The following DAB1 variants were observed in gnomAD, a reference collection of about 807,000 sequenced individuals.
DAB1 encodes the protein DAB adaptor protein 1.
DAB1 carries 15 observed loss-of-function variants against 64.6 expected under a neutral mutation model. That is an observed-to-expected ratio of 0.23 (90% CI 0.16 to 0.36). The LOEUF (loss-of-function observed/expected upper bound fraction) is 0.36. Among genes scored for constraint, DAB1 ranks in the 10% least tolerant of loss-of-function variants. The pLI is 1.00. For synonymous variants in DAB1, 235 were observed against 251.9 expected, an observed-to-expected ratio of 0.93 and a Z score of 0.64; for missense variants, 596 against 706.7, an observed-to-expected ratio of 0.84 and a Z score of 1.78.
intron 7 of DAB1, among the ~76,000 whole-genome samples, chr1:57,566,971 A>G (rs1645130485): frequency 6.6e-6 from 1 of 152,116 alleles, no homozygotes; most frequent in Non-Finnish European, 1.5e-5. Flanking sequence ...GAGACACAAC[A>G]AAAAAAGAGA....
intron 1 of DAB1, among the ~76,000 whole-genome samples, chr1:57,858,523 T>C (rs1048688621): frequency 4.3e-5 from 6 of 141,146 alleles, no homozygotes; most frequent in Non-Finnish European, 9.8e-5. Flanking sequence ...AGTACTCAGA[T>C]TTAACAGAAA....
chr1:58,315,289 T>C (rs1662533224), intron 4 of DAB1, among the ~76,000 whole-genome samples: 1 of 152,276 alleles, frequency 6.6e-6, no homozygotes, highest in Non-Finnish European at 1.5e-5. Flanking sequence ...TTTGGCTGAT[T>C]AGAAATAAAA....
rs141959876 is a variant in DAB1 at position 57,056,318 on chromosome 1, G to T, written c.723+6566C>A. On this transcript the variant is annotated intron_variant, in intron 9 of 14. Transcript: ENST00000371236. ...ATTCAAGACCACAGTGGGTAACATA[G>T]CAAGTCCTCATCTTTAAAAAAAAAA... is the stretch of plus-strand genomic sequence containing the variant. Among the ~76,000 whole-genome samples, 1,232 of 141,552 alleles carry T rather than the reference G, an allele frequency of 8.7e-3. 20 individuals carry two copies. The highest frequency in any genetic ancestry group is 0.031 in the African/African-American group (1,176 of 37,608). 92.9% of individuals were successfully genotyped at this position (141,552 alleles called of 152,430 possible).
intron 1 of DAB1, among the ~76,000 whole-genome samples, chr1:57,856,166 T>C (rs1653744656): frequency 2.0e-5 from 3 of 151,026 alleles, no homozygotes; most frequent in Non-Finnish European, 4.4e-5. Flanking sequence ...AAAAGAGAAG[T>C]GTAGCTAGAA....
chr1:57,498,864 A>G (rs191607537), intron 7 of DAB1, among the ~76,000 whole-genome samples: 12 of 152,348 alleles, frequency 7.9e-5, no homozygotes, highest in Non-Finnish European at 1.3e-4. Flanking sequence ...TTCAAAAGAC[A>G]TGTTTCAAAG....
intron 4 of DAB1, among the ~76,000 whole-genome samples, chr1:58,319,508 T>A (rs1662635734): frequency 6.6e-6 from 1 of 152,200 alleles, no homozygotes; most frequent in Non-Finnish European, 1.5e-5. Flanking sequence ...GACTCTTCCT[T>A]CTCTCTTCTC....
chr1:58,415,624 C>T lies in DAB1; in HGVS notation n.258-72221G>A, dbSNP rs190248535. 2.0e-5 allele frequency: 3 copies of T among 152,686 alleles called. No individual in the cohort carries two copies. In the East Asian group the frequency reaches 5.8e-4, roughly 29 times the overall value. The allele number at this position is 152,686 out of a possible 1,614,324, so 9.5% of individuals were successfully genotyped here. ...ACTTAGAGACCAAAAGCTTTGAGAA[C>T]TATATTTACATAGCATGGAATTTCT... On this transcript the variant is annotated intron_variant and non_coding_transcript_variant, in intron 3 of 20. Coordinates refer to the DAB1 transcript ENST00000485760.
intron 4 of DAB1, among the ~76,000 whole-genome samples, chr1:58,226,390 G>T (rs1000853554): frequency 3.3e-5 from 5 of 149,798 alleles, no homozygotes; most frequent in African/African-American, 1.2e-4. Context: ...CCATCTCCCA[G>T]ATGATTAAAA....
At chr1:58,298,603 T>C (rs1196789270) in intron 4 of DAB1, among the ~76,000 whole-genome samples, 1 of 152,234 alleles carries the variant, frequency 6.6e-6, no homozygotes, top group Non-Finnish European at 1.5e-5. Context: ...AGACATTCTG[T>C]AGGTCTGGAT....
rs1644826090 is a variant in DAB1, at chr1:57,922,779, G to A, written n.388-38617C>T. Among the ~76,000 whole-genome samples, 3 of 136,590 alleles carry A rather than the reference G, an allele frequency of 2.2e-5. No homozygotes were observed. In the South Asian group the frequency reaches 6.9e-4, roughly 31 times the overall value. 89.6% of individuals were successfully genotyped at this position (136,590 alleles called of 152,430 possible). A position where few individuals can be genotyped will look rare whatever the true frequency, so the allele number is the denominator to read the frequency against. ...GAGAATGGCATGAACCCGGGAGGCA[G>A]AGCTTGCAGTGAGCCGAGATCGCGC... On this transcript the variant is annotated intron_variant and non_coding_transcript_variant, in intron 5 of 20. Transcript: ENST00000485760.
At chr1:57,691,199 A>G (rs1272492900) in intron 6 of DAB1, among the ~76,000 whole-genome samples, 1 of 152,126 alleles carries the variant, frequency 6.6e-6, no homozygotes, top group Non-Finnish European at 1.5e-5. Context: ...GTCTAGCTAA[A>G]GGATTGTAAA....
At chr1:57,565,786 A>T (rs1645112740) in intron 7 of DAB1, among the ~76,000 whole-genome samples, 1 of 152,188 alleles carries the variant, frequency 6.6e-6, no homozygotes, top group South Asian at 2.1e-4. Context: ...AGCTCCTTAG[A>T]GACCTACAAA....
At chr1:57,251,735 G>T (rs1294671104) in intron 2 of DAB1, among the ~76,000 whole-genome samples, 1 of 152,146 alleles carries the variant, frequency 6.6e-6, no homozygotes, top group Non-Finnish European at 1.5e-5. Flanking sequence ...TTCCTTGCCA[G>T]TCTCTGAAAC....
At chr1:57,065,624 T>A (rs1302081697) in intron 8 of DAB1, among the ~76,000 whole-genome samples, 4 of 152,236 alleles carry the variant, frequency 2.6e-5, no homozygotes, top group African/African-American at 9.6e-5. Flanking sequence ...CTAAGGTGCA[T>A]GGTCCTGGCT....
rs1048130365 is a variant in DAB1 at position 57,441,182 on chromosome 1, T to A, written n.626-150016A>T. The stretch of plus-strand genomic sequence containing the variant: ...AATGCAGTCTCTTGATGCATCCATG[T>A]GACTGCAAAGGACACAATTTCATTC... On this transcript the variant is annotated intron_variant and non_coding_transcript_variant, in intron 7 of 20. Transcript: ENST00000485760. Among the ~76,000 whole-genome samples the A allele has an allele frequency of 2.0e-5, 3 of 152,364 alleles. No individual in the cohort carries two copies. The East Asian group carries it at 5.8e-4, about 29-fold the overall frequency.
At chr1:57,455,157 T>G (rs1686537924) in intron 7 of DAB1, among the ~76,000 whole-genome samples, 1 of 152,134 alleles carries the variant, frequency 6.6e-6, no homozygotes, top group African/African-American at 2.4e-5. Context: ...GCTTGGCATG[T>G]GCAGAGGACT....
intron 5 of DAB1, among the ~76,000 whole-genome samples, chr1:57,985,155 G>C (rs552388643): frequency 2.0e-5 from 3 of 152,128 alleles, no homozygotes; most frequent in African/African-American, 4.8e-5. Context: ...TAATCCACCC[G>C]CCTTGGCCTC....
chr1:57,810,851 C>T (rs1478581479), intron 6 of DAB1, among the ~76,000 whole-genome samples: 1 of 152,190 alleles, frequency 6.6e-6, no homozygotes, highest in Non-Finnish European at 1.5e-5. Context: ...CAGAAAGTTA[C>T]TCTTTTACAG....
At chr1:58,438,788 G>A (rs926483680) in intron 3 of DAB1, among the ~76,000 whole-genome samples, 15 of 152,338 alleles carry the variant, frequency 9.8e-5, no homozygotes, top group Middle Eastern at 6.8e-3. Context: ...GCTGGATTAA[G>A]TTGAGTCTGA....
Sources: allele counts gnomAD v4.1 joint callset (sites outside exome capture counted in the v4.1 genomes callset), GRCh38; gene constraint gnomAD v4.1.1; transcripts MANE v1.5; gene names NCBI Gene and HGNC (gene_info 2026-07-23, HGNC 2026-07-21).